FRMD4A: variants seen among roughly 807,000 people sequenced by gnomAD.
FRMD4A encodes FERM domain-containing protein 4A.
In FRMD4A, 29 loss-of-function variants were observed where a neutral mutation model predicts 129.1. The observed-to-expected ratio is 0.22, with a 90% confidence interval of 0.17 to 0.31. FRMD4A has a LOEUF of 0.31. FRMD4A is among the 10% of genes least tolerant of loss of function. The pLI is 1.00. For missense variants in FRMD4A, 1,272 were observed against 1,375.8 expected (o/e 0.92, Z 1.19); for synonymous variants, 634 against 571.6 (o/e 1.11, Z -1.56).
chr10:13,751,526 A>C (rs1199367322), intron 8 of FRMD4A, among the ~76,000 whole-genome samples: 1 of 152,194 alleles, frequency 6.6e-6, no homozygotes, highest in Non-Finnish European at 1.5e-5. Flanking sequence ...AAGCTCCCCT[A>C]ATGGGAAACT....
Position 13,768,693 on chromosome 10 carries a change from T to G in FRMD4A, c.385-6013A>C, listed in dbSNP as rs189468062. Among the ~76,000 whole-genome samples, 10 of 152,282 alleles carry G rather than the reference T, an allele frequency of 6.6e-5. No homozygotes were observed. In the East Asian group the frequency reaches 1.9e-3, roughly 29 times the overall value. On this transcript the variant is annotated intron_variant, in intron 6 of 24. Transcript: ENST00000357447. ...CCTTAAGATTATTTCTACTGTCCCC[T>G]GAAAGTCCCATATTCTGGTCTTAAC...
intron 2 of FRMD4A, among the ~76,000 whole-genome samples, chr10:13,927,830 T>C (rs1159533141): frequency 1.3e-5 from 2 of 152,174 alleles, no homozygotes; most frequent in East Asian, 3.9e-4. Context: ...TTGAGTTCAT[T>C]TGGAGCAAGT....
intron 2 of FRMD4A, among the ~76,000 whole-genome samples, chr10:14,009,059 G>A (rs1048473712): frequency 6.6e-6 from 1 of 152,100 alleles, no homozygotes; most frequent in Non-Finnish European, 1.5e-5. Flanking sequence ...ATTATGTTTC[G>A]TTTTACACGG....
intron 2 of FRMD4A, among the ~76,000 whole-genome samples, chr10:14,184,203 C>A (rs1842003278): frequency 7.2e-6 from 1 of 139,690 alleles, no homozygotes; most frequent in South Asian, 2.3e-4. Flanking sequence ...GCCATCTCGG[C>A]TCACTGCAAA....
chr10:13,763,817 C>T (rs2092170532), intron 6 of FRMD4A, among the ~76,000 whole-genome samples: 1 of 152,092 alleles, frequency 6.6e-6, no homozygotes, highest in African/African-American at 2.4e-5. Context: ...CTCACTGCAA[C>T]CTCCTCCTCC....
At position 13,647,663 on chromosome 10, in the gene FRMD4A, A is replaced by T. The variant is rs1034027808; in HGVS notation, c.*3-628T>A. ...ATGACTTTGCTTTATTCTAAATAAC[A>T]TGCATTGTTTTGTGATTATAAAAGT... On this transcript the variant is annotated intron_variant, in intron 24 of 24. Coordinates refer to ENST00000357447, the MANE Select transcript of FRMD4A (RefSeq NM_018027.5). 9 of 151,952 alleles carry T rather than the reference A, an allele frequency of 5.9e-5. 1 individual carries two copies. The highest frequency in any genetic ancestry group is 1.7e-4 in the African/African-American group (7 of 41,382). The allele number at this position is 151,952 out of a possible 1,614,324, so 9.4% of individuals were successfully genotyped here. A position where few individuals can be genotyped will look rare whatever the true frequency, so the allele number is the denominator to read the frequency against.
At chr10:13,911,203 T>C (rs2094937307) in intron 2 of FRMD4A, among the ~76,000 whole-genome samples, 2 of 152,194 alleles carry the variant, frequency 1.3e-5, no homozygotes, top group Non-Finnish European at 2.9e-5. Context: ...AAAGCTGAAT[T>C]TCCACAGTCT....
rs2094224832 is a variant in FRMD4A, at chr10:13,857,167, A to G, written c.111+1680T>C. On this transcript the variant is annotated intron_variant, in intron 3 of 24. Coordinates refer to ENST00000357447, the MANE Select transcript of FRMD4A (RefSeq NM_018027.5). Reference sequence around the variant, plus strand: ...GAACCCTATATATAGGGATATGTTAATCACAGCATTTACTTGTAATAGTGG... The same window carrying G: ...GAACCCTATATATAGGGATATGTTAGTCACAGCATTTACTTGTAATAGTGG... Among the ~76,000 whole-genome samples the G allele has an allele frequency of 2.6e-5, 4 of 152,324 alleles. 1 individual carries two copies. The South Asian group carries it at 8.3e-4, about 32-fold the overall frequency.
intron 2 of FRMD4A, among the ~76,000 whole-genome samples, chr10:14,228,837 G>A (rs1013440189): frequency 6.6e-6 from 1 of 151,908 alleles, no homozygotes; most frequent in African/African-American, 2.4e-5. Context: ...ATCCCTCACT[G>A]TTCAAAAGCA....
At chr10:14,163,525 G>A (rs189550970) in intron 2 of FRMD4A, among the ~76,000 whole-genome samples, 1 of 152,352 alleles carries the variant, frequency 6.6e-6, no homozygotes, top group Non-Finnish European at 1.5e-5. Flanking sequence ...GGGTCGCTTT[G>A]TCTTGCTGGT....
In FRMD4A at chr10:13,995,819, C is replaced by CT. The variant is rs112271578; in HGVS notation, c.46-136908dup. Reference sequence around the variant, plus strand: ...AGTGCCCGTATGCATTTCCAGACTGCTTTTTTTTTTTTTTTCTTAATGAGC... The same window carrying CT: ...AGTGCCCGTATGCATTTCCAGACTGCTTTTTTTTTTTTTTTTCTTAATGAGC... On this transcript the variant is annotated intron_variant, in intron 2 of 24. Transcript: ENST00000357447. Among the ~76,000 whole-genome samples, 661 of 144,274 alleles carry CT rather than the reference C, an allele frequency of 4.6e-3. 5 individuals are homozygous for CT. The highest frequency in any genetic ancestry group is 0.012 in the African/African-American group (475 of 39,318). The allele number at this position is 144,274 out of a possible 152,430, so 94.6% of individuals were successfully genotyped here.
intron 2 of FRMD4A, among the ~76,000 whole-genome samples, chr10:14,105,784 G>A (rs971649459): frequency 2.0e-5 from 3 of 151,998 alleles, no homozygotes; most frequent in African/African-American, 7.2e-5. Context: ...AAATCTTTTT[G>A]AACACACTGG....
At chr10:13,835,212 A>C (rs2093854098) in intron 3 of FRMD4A, among the ~76,000 whole-genome samples, 1 of 152,196 alleles carries the variant, frequency 6.6e-6, no homozygotes, top group Non-Finnish European at 1.5e-5. Context: ...GAACCTCAGC[A>C]ACCTACTTAA....
intron 3 of FRMD4A, among the ~76,000 whole-genome samples, chr10:13,824,822 G>C (rs2093677374): frequency 6.7e-6 from 1 of 150,204 alleles, no homozygotes; most frequent in Admixed American, 6.7e-5. Context: ...TTGAACCCGG[G>C]AGGCAGAGGT....
At chr10:13,917,108 A>G (rs2095017877) in intron 2 of FRMD4A, among the ~76,000 whole-genome samples, 1 of 152,196 alleles carries the variant, frequency 6.6e-6, no homozygotes, top group Middle Eastern at 3.2e-3. Flanking sequence ...CATCACCAAG[A>G]AGTGGCTTTA....
In FRMD4A at chr10:13,643,933, T is replaced by G. The variant is rs890800984; in HGVS notation, c.*3105A>C. The G allele has an allele frequency of 2.6e-5, 4 of 152,638 alleles. No individual in the cohort carries two copies. The highest frequency in any genetic ancestry group is 5.9e-5 in the Non-Finnish European group (4 of 68,038). 9.5% of individuals were successfully genotyped at this position (152,638 alleles called of 1,614,324 possible). ...GTCAGTTTCAGGAGCAACCTAATCT[T>G]TTTTCCCCCATTATTAAACTAGAGT... On this transcript the variant is annotated 3_prime_UTR_variant, in exon 25 of 25. Coordinates refer to ENST00000357447, the MANE Select transcript of FRMD4A (RefSeq NM_018027.5).
At chr10:14,103,984 G>T (rs1438268423) in intron 2 of FRMD4A, among the ~76,000 whole-genome samples, 1 of 152,190 alleles carries the variant, frequency 6.6e-6, no homozygotes, top group African/African-American at 2.4e-5. Flanking sequence ...CTACAGACAA[G>T]GTATGGTAAG....
chr10:13,673,588 GCA>G (rs371599235), intron 16 of FRMD4A, among the ~76,000 whole-genome samples: 283 of 147,586 alleles, frequency 1.9e-3, no homozygotes, highest in African/African-American at 4.0e-3. Flanking sequence ...GTGCGCGCGC[GCA>G]CACACACACA....
intron 2 of FRMD4A, among the ~76,000 whole-genome samples, chr10:14,019,890 CCT>C (rs200021783): frequency 0.021 from 3,164 of 152,322 alleles, 113 homozygotes; most frequent in African/African-American, 0.073. Flanking sequence ...TGCTTGATTT[CCT>C]CTGTTTCTTT....
Sources: allele counts gnomAD v4.1 joint callset (sites outside exome capture counted in the v4.1 genomes callset), GRCh38; gene constraint gnomAD v4.1.1; transcripts MANE v1.5; gene names NCBI Gene and HGNC (gene_info 2026-07-23, HGNC 2026-07-21).